SSBP2: variants seen among roughly 807,000 people sequenced by gnomAD.
The protein encoded by SSBP2 is single-stranded DNA-binding protein 2.
SSBP2 carries 17 observed loss-of-function variants against 61.8 expected under a neutral mutation model. The ratio of observed to expected loss-of-function variants is 0.28; its 90% CI spans 0.19 to 0.41. The LOEUF (loss-of-function observed/expected upper bound fraction) is 0.41. SSBP2 is among the 10% of genes least tolerant of loss of function. SSBP2 has a pLI of 1.00. For synonymous variants in SSBP2, 139 were observed against 141.3 expected (o/e 0.98, Z 0.12); for missense variants, 310 against 458.7 (o/e 0.68, Z 2.96).
At chr5:81,549,873 G>A (rs752924641) in intron 4 of SSBP2, among the ~76,000 whole-genome samples, 3 of 152,128 alleles carry the variant, frequency 2.0e-5, no homozygotes, top group African/African-American at 7.2e-5. Context: ...TGGCACTAAG[G>A]TTTGGTTTTT....
At chr5:81,646,022 T>A (rs1749232749) in intron 2 of SSBP2, among the ~76,000 whole-genome samples, 1 of 152,174 alleles carries the variant, frequency 6.6e-6, no homozygotes, top group Non-Finnish European at 1.5e-5. Context: ...TCAAGAGCAG[T>A]CCAATTTCTG....
chr5:81,517,078 G>C (rs764006594), intron 4 of SSBP2, among the ~76,000 whole-genome samples: 30 of 152,022 alleles, frequency 2.0e-4, no homozygotes, highest in Non-Finnish European at 4.1e-4. Context: ...ATTCCCATTG[G>C]AGTAGCATAG....
intron 4 of SSBP2, among the ~76,000 whole-genome samples, chr5:81,553,695 G>T (rs1344437185): frequency 6.6e-6 from 1 of 152,126 alleles, no homozygotes; most frequent in African/African-American, 2.4e-5. Context: ...GCAGGAAATA[G>T]AGGCAGCAGG....
intron 1 of SSBP2, among the ~76,000 whole-genome samples, chr5:81,746,503 T>C (rs1030534254): frequency 5.7e-4 from 87 of 152,254 alleles, no homozygotes; most frequent in African/African-American, 1.9e-3. Context: ...CATTTTTCTT[T>C]GCAGGGGGTA....
intron 1 of SSBP2, among the ~76,000 whole-genome samples, chr5:81,722,389 A>G (rs999086965): frequency 1.4e-5 from 2 of 143,036 alleles, no homozygotes; most frequent in Admixed American, 1.6e-4. Context: ...TCTCTTCAGT[A>G]TAATTTTGTT....
intron 11 of SSBP2, chr5:81,448,170 C>T: frequency 6.6e-6 from 1 of 152,226 alleles, no homozygotes; most frequent in African/African-American, 2.4e-5. Flanking sequence ...TGAGATGTAG[C>T]TAGGATCATA....
chr5:81,438,207 C>G (rs1045451296), intron 14 of SSBP2, among the ~76,000 whole-genome samples: 1 of 151,738 alleles, frequency 6.6e-6, no homozygotes, highest in Non-Finnish European at 1.5e-5. Context: ...AAAAATTAGC[C>G]GGGCATGGTG....
chr5:81,446,350 G>C (rs1763399795), intron 12 of SSBP2, among the ~76,000 whole-genome samples: 1 of 152,116 alleles, frequency 6.6e-6, no homozygotes, highest in Non-Finnish European at 1.5e-5. Context: ...GTATGTTTTA[G>C]TTTAGAAGAT....
chr5:81,463,758 CTTTTTTTTT>C (rs938398439), intron 9 of SSBP2, among the ~76,000 whole-genome samples: 6 of 96,300 alleles, frequency 6.2e-5, no homozygotes, highest in East Asian at 3.0e-4. Flanking sequence ...GAAAAATCCT[CTTTTTTTTT>C]TTTTTTTTTT....
intron 8 of SSBP2, among the ~76,000 whole-genome samples, chr5:81,470,666 C>G (rs1212440859): frequency 6.6e-6 from 1 of 151,850 alleles, no homozygotes; most frequent in Non-Finnish European, 1.5e-5. Flanking sequence ...GAAGTAACAT[C>G]TATGTTAAAA....
chr5:81,495,441 C>T (rs1767204708), intron 5 of SSBP2, among the ~76,000 whole-genome samples: 1 of 152,180 alleles, frequency 6.6e-6, no homozygotes, highest in Non-Finnish European at 1.5e-5. Flanking sequence ...TTACGCTGTA[C>T]TCGCTTTTCT....
chr5:81,533,858 G>A (rs1175847922), intron 4 of SSBP2, among the ~76,000 whole-genome samples: 3 of 152,006 alleles, frequency 2.0e-5, no homozygotes, highest in African/African-American at 4.8e-5. Context: ...AGTCACAGGG[G>A]GATCTCTAAA....
In SSBP2 at chr5:81,432,572, CCT is replaced by C. The variant is rs540462961; in HGVS notation, c.958-3891_958-3890del. On this transcript the variant is annotated intron_variant, in intron 15 of 16. Coordinates refer to ENST00000320672, the MANE Select transcript of SSBP2 (RefSeq NM_012446.5). ...CTAGCCTGGCCAGCCTGGTGAAACCCCTGTCTCTACTAAAAATACAAAAATTA... is the reference window on the plus strand; with the variant it reads ...CTAGCCTGGCCAGCCTGGTGAAACCCGTCTCTACTAAAAATACAAAAATTA... Among the ~76,000 whole-genome samples, 343 of 152,100 alleles carry C rather than the reference CCT, an allele frequency of 2.3e-3. 3 individuals carry two copies. Among genetic ancestry groups the C allele is most frequent in the African/African-American group, 7.3e-3 (304 of 41,492 alleles).
intron 1 of SSBP2, among the ~76,000 whole-genome samples, chr5:81,697,326 CTGTAGTAGAAA>C (rs1461613005): frequency 6.6e-6 from 1 of 152,206 alleles, no homozygotes; most frequent in Admixed American, 6.5e-5. Context: ...GGAAGACTCA[CTGTAGTAGAAA>C]TGCTTTCAGA....
chr5:81,694,757 T>C (rs1381745227), intron 1 of SSBP2, among the ~76,000 whole-genome samples: 5 of 152,142 alleles, frequency 3.3e-5, no homozygotes, highest in Non-Finnish European at 5.9e-5. Context: ...GAGGGATCAC[T>C]TGAAGCCGGC....
At chr5:81,444,219 TA>T (rs1763224174) in intron 12 of SSBP2, among the ~76,000 whole-genome samples, 1 of 152,198 alleles carries the variant, frequency 6.6e-6, no homozygotes, top group South Asian at 2.1e-4. Flanking sequence ...TTTGTGACCT[TA>T]ACTGTTTTTA....
chr5:81,751,350 TC>T, upstream of SSBP2: 5 of 398,494 alleles, frequency 1.3e-5, no homozygotes, highest in Admixed American at 4.9e-5. Context: ...TCCTTCCCCC[TC>T]CCCCCTCCGA....
At chr5:81,491,458 G>A (rs1333304025) in intron 5 of SSBP2, among the ~76,000 whole-genome samples, 1 of 152,188 alleles carries the variant, frequency 6.6e-6, no homozygotes, top group Non-Finnish European at 1.5e-5. Context: ...AGTGGTATAT[G>A]TAAAAGGAGA....
At chr5:81,552,341 T>A (rs541793217) in intron 4 of SSBP2, among the ~76,000 whole-genome samples, 1 of 152,078 alleles carries the variant, frequency 6.6e-6, no homozygotes, top group Admixed American at 6.5e-5. Context: ...AAATTTACAG[T>A]CAAAACAAAG....
Sources: allele counts gnomAD v4.1 joint callset (sites outside exome capture counted in the v4.1 genomes callset), GRCh38; gene constraint gnomAD v4.1.1; transcripts MANE v1.5; gene names NCBI Gene and HGNC (gene_info 2026-07-23, HGNC 2026-07-21).